Variants in CCDC187 observed in about 807,000 individuals in gnomAD.
CCDC187 encodes coiled-coil domain-containing protein 187.
Under a neutral mutation model 38.0 loss-of-function variants are expected in CCDC187, and 32 were observed. The ratio of observed to expected loss-of-function variants is 0.84; its 90% confidence interval spans 0.64 to 1.13. The LOEUF is 1.13. CCDC187 is among the 50% of genes most tolerant of loss of function. CCDC187 has a pLI of 0.00. For synonymous variants in CCDC187, 333 were observed against 347.9 expected, an observed-to-expected ratio of 0.96 and a Z score of 0.48; for missense variants, 707 against 786.8, an observed-to-expected ratio of 0.90 and a Z score of 1.21.
Position 136,291,202 on chromosome 9 carries a change from G to C in CCDC187, c.1411C>G (p.Arg471Gly), listed in dbSNP as rs1042153137. The C allele has an allele frequency of 2.5e-6, 1 of 398,548 alleles. No homozygotes were observed. Among genetic ancestry groups the C allele is most frequent in the East Asian group, 3.6e-5 (1 of 28,084 alleles). 24.7% of individuals were successfully genotyped at this position (398,548 alleles called of 1,614,324 possible). ...QRAWGAQGQD[R>G]SFQRPESPHE... ...GGACTCTCCGGCCTCTGGAAGGAGC[G>C]GTCCTGTCCTTGGGCCCCCCAGGCC... Residue 471 changes from arginine (R) to glycine (G), a missense_variant, in exon 6 of 26, where the codon CGC becomes GGC. By Grantham distance (125) the Arg-to-Gly change is moderately radical. Transcript: ENST00000638797.
chr9:136,285,689 G>A, intron 8 of CCDC187, 83 bp from the exon 9 acceptor site: 1 of 398,892 alleles, frequency 2.5e-6, no homozygotes, highest in Non-Finnish European at 4.4e-6. Context: ...AGCAGGAGAG[G>A]AGCCTGAGAC....
chr9:136,299,749 C>T (rs899076821), intron 3 of CCDC187, among the ~76,000 whole-genome samples: 52 of 152,298 alleles, frequency 3.4e-4, no homozygotes, highest in South Asian at 1.0e-3. Flanking sequence ...CCCTTCCTCA[C>T]GGGCCTGGGA....
chr9:136,290,042 G>A lies in CCDC187; in HGVS notation c.2139C>T (p.Ala713=). Residue 713 remains alanine, a synonymous_variant, in exon 7 of 26, where the codon GCC becomes GCT. Coordinates refer to ENST00000638797, the MANE Select transcript of CCDC187 (RefSeq NM_001378188.1). ...PSSAQSGGLE[A]SGSLESPVLE... ...GCACTGGGGACTCCAGGCTCCCGGA[G>A]GCTTCCAGGCCCTAAAGTAGAGGGC... is the stretch of plus-strand genomic sequence containing the variant. 1 of 398,758 alleles carries A rather than the reference G, an allele frequency of 2.5e-6. No individual in the cohort carries two copies. The highest frequency in any genetic ancestry group is 1.3e-4 in the South Asian group (1 of 7,852). 24.7% of individuals were successfully genotyped at this position (398,758 alleles called of 1,614,324 possible).
intron 2 of CCDC187, among the ~76,000 whole-genome samples, chr9:136,300,783 A>G (rs1256370820): frequency 1.3e-5 from 2 of 152,174 alleles, no homozygotes; most frequent in African/African-American, 2.4e-5. Context: ...TATTTTTAGT[A>G]GAGACGGGGT....
chr9:136,287,878 TAG>T (rs1831218856), intron 7 of CCDC187, among the ~76,000 whole-genome samples: 1 of 151,802 alleles, frequency 6.6e-6, no homozygotes, highest in African/African-American at 2.4e-5. Context: ...CTGGAGAAAA[TAG>T]AGATAGGGTC....
intron 9 of CCDC187, among the ~76,000 whole-genome samples, chr9:136,282,823 G>T (rs1831078705): frequency 6.6e-6 from 1 of 152,260 alleles, no homozygotes; most frequent in South Asian, 2.1e-4. Context: ...GCCGTGAGGG[G>T]CTGCATGGCA....
chr9:136,301,415 G>A (rs1175512392), intron 2 of CCDC187, among the ~76,000 whole-genome samples: 1 of 152,096 alleles, frequency 6.6e-6, no homozygotes, highest in Non-Finnish European at 1.5e-5. Flanking sequence ...GGGTCCCGGG[G>A]CTGGGAGGGG....
chr9:136,290,360 C>G (rs1288176812), intron 6 of CCDC187, 126 bp downstream of exon 6: 1 of 397,644 alleles, frequency 2.5e-6, no homozygotes, highest in South Asian at 1.4e-4. Flanking sequence ...AAGTCCCCAG[C>G]CCCCAGCTGC....
At chr9:136,282,249 G>A (rs923101205) in intron 9 of CCDC187, among the ~76,000 whole-genome samples, 3 of 152,218 alleles carry the variant, frequency 2.0e-5, no homozygotes, top group Non-Finnish European at 4.4e-5. Flanking sequence ...CACCCGGGCT[G>A]TGACCATGGA....
At chr9:136,297,987 C>T (rs914178329) in intron 3 of CCDC187, among the ~76,000 whole-genome samples, 166 bp from the exon 4 acceptor site, 3 of 152,240 alleles carry the variant, frequency 2.0e-5, no homozygotes, top group South Asian at 2.1e-4. Flanking sequence ...GGGCAGCTAA[C>T]GCTGGGGACA....
rs1442949593 is a variant in CCDC187 at position 136,264,957 on chromosome 9, GC to G, written c.3735+998del. On this transcript the variant is annotated intron_variant, in intron 17 of 25. Transcript: ENST00000638797. This position sits in a 1 kb window ranked among gnomAD's most constrained non-coding sequence, Gnocchi z 4.3. Reference sequence around the variant, plus strand: ...TGTAGAGACGGGGTCTTGCTATGTTGCCCAGGCCTGTCTCACATTCCTGGGC... The same window carrying G: ...TGTAGAGACGGGGTCTTGCTATGTTGCCAGGCCTGTCTCACATTCCTGGGC... Among the ~76,000 whole-genome samples, 1 of 152,124 alleles carries G rather than the reference GC, an allele frequency of 6.6e-6. No homozygotes were observed. The highest frequency in any genetic ancestry group is 2.4e-5 in the African/African-American group (1 of 41,412).
chr9:136,299,896 C>T (rs890092242), intron 3 of CCDC187, among the ~76,000 whole-genome samples: 8 of 152,208 alleles, frequency 5.3e-5, no homozygotes, highest in African/African-American at 1.7e-4. Context: ...TGGCATGCAG[C>T]CACACAGAAA....
rs1004355235 is a variant in CCDC187, at chr9:136,254,320, C to T, written c.5508G>A (p.Pro1836=). 6.2e-5 allele frequency: 61 copies of T among 977,084 alleles called. No individual in the cohort carries two copies. In the Admixed American group the frequency reaches 9.3e-4, roughly 15 times the overall value. 60.5% of individuals were successfully genotyped at this position (977,084 alleles called of 1,614,324 possible). Residue 1836 remains proline (P), a synonymous_variant, in exon 26 of 26, where the codon CCG becomes CCA. Coordinates refer to ENST00000638797, the MANE Select transcript of CCDC187 (RefSeq NM_001378188.1). ...RSGMEPQVAL[P]SPWPGEGLEA... The stretch of plus-strand genomic sequence containing the variant: ...CCAGCCCCTCCCCAGGCCATGGGGA[C>T]GGAAGAGCCACCTGGGGCTCCATGC...
chr9:136,303,187 C>G lies in CCDC187; in HGVS notation c.250G>C (p.Asp84His), dbSNP rs1336792231. The G allele has an allele frequency of 2.5e-6, 1 of 398,602 alleles. No homozygotes were observed. The highest frequency in any genetic ancestry group is 4.4e-6 in the Non-Finnish European group (1 of 226,092). 24.7% of individuals were successfully genotyped at this position (398,602 alleles called of 1,614,324 possible). Residue 84 changes from aspartate (D) to histidine (H), a missense_variant, in exon 2 of 26, where the codon GAC (aspartate) becomes CAC (histidine). Asp to His is a moderately conservative substitution (Grantham distance 81). Transcript: ENST00000638797. ...WAAPHVVGSD[D>H]LKEPGPWGKA... ...CCCCAGGGTCCTGGTTCCTTGAGGT[C>G]GTCAGACCCGACCACGTGGGGAGCT...
rs537734105 is a variant in CCDC187, at chr9:136,254,700, G to C, written c.5128C>G (p.Arg1710Gly). The C allele has an allele frequency of 1.0e-5, 10 of 985,488 alleles. No individual in the cohort carries two copies. The highest frequency in any genetic ancestry group is 8.7e-5 in the African/African-American group (5 of 57,356). The allele number at this position is 985,488 out of a possible 1,614,324, so 61.0% of individuals were successfully genotyped here. A position where few individuals can be genotyped will look rare whatever the true frequency, so the allele number is the denominator to read the frequency against. The stretch of plus-strand genomic sequence containing the variant: ...GAGCCACGCAGGGGGCCGGCCCTGC[G>C]GCCCTGGGGCCTCTGCCAGGTCACC... ...GWVTWQRPQG[R>G]RAGPLRGSSL... Residue 1710 changes from arginine (R) to glycine (G), a missense_variant, in exon 26 of 26, where the codon CGC becomes GGC. Coordinates refer to ENST00000638797, the MANE Select transcript of CCDC187 (RefSeq NM_001378188.1).
intron 9 of CCDC187, among the ~76,000 whole-genome samples, chr9:136,283,455 C>T (rs1376546472): frequency 1.3e-5 from 2 of 152,246 alleles, no homozygotes; most frequent in African/African-American, 2.4e-5. Context: ...GCCCGAGCAG[C>T]GGCGGAAGCC....
Position 136,286,855 on chromosome 9 carries a change from A to G in CCDC187, c.2223-160T>C, listed in dbSNP as rs1446576981. On this transcript the variant is annotated intron_variant, in intron 7 of 25. Coordinates refer to ENST00000638797, the MANE Select transcript of CCDC187 (RefSeq NM_001378188.1). ...GGGAAGCGGTGACGGTATCCACACA[A>G]CAGACCACACAGCTGCCGCAAAGAA... Among the ~76,000 whole-genome samples, 4 of 152,344 alleles carry G rather than the reference A, an allele frequency of 2.6e-5. No homozygotes were observed. In the East Asian group the frequency reaches 7.7e-4, roughly 29 times the overall value.
intron 4 of CCDC187, among the ~76,000 whole-genome samples, chr9:136,293,238 C>T (rs1416753629): frequency 6.9e-6 from 1 of 145,632 alleles, no homozygotes; most frequent in South Asian, 2.1e-4. Flanking sequence ...CTCACACGCT[C>T]ACACTCACAT....
At chr9:136,262,591 C>G in intron 18 of CCDC187, 129 bp from the exon 19 acceptor site, 1 of 761,276 alleles carries the variant, frequency 1.3e-6, no homozygotes, top group Non-Finnish European at 1.6e-6. Flanking sequence ...TTGCTCCCCA[C>G]TGGGTGCCAG....
Sources: allele counts gnomAD v4.1 joint callset (sites outside exome capture counted in the v4.1 genomes callset), GRCh38; gene constraint gnomAD v4.1.1; non-coding constraint Gnocchi (gnomAD v3.1); transcripts MANE v1.5; gene names NCBI Gene and HGNC (gene_info 2026-07-23, HGNC 2026-07-21).